Variants in IGSF22 observed in about 807,000 individuals in gnomAD.
The protein encoded by IGSF22 is immunoglobulin superfamily member 22.
Under a neutral mutation model 127.0 loss-of-function variants are expected in IGSF22, and 119 were observed. The ratio of observed to expected loss-of-function variants is 0.94; its 90% CI spans 0.81 to 1.09. The LOEUF (loss-of-function observed/expected upper bound fraction) is 1.09, where lower values mean the gene tolerates loss of function less well. Ranked by LOEUF, IGSF22 falls within the 50% of genes least tolerant of loss-of-function variation. IGSF22 has a pLI of 0.00. For missense variants in IGSF22, 1,518 were observed against 1,716.6 expected, an observed-to-expected ratio of 0.88 and a Z score of 2.04; for synonymous variants, 568 against 664.7, an observed-to-expected ratio of 0.85 and a Z score of 2.24.
intron 6 of IGSF22, 78 bp downstream of exon 6, chr11:18,719,986 C>A (rs1048570858): frequency 6.2e-7 from 1 of 1,609,914 alleles, no homozygotes; most frequent in East Asian, 2.2e-5. Context: ...GAACTCAGGG[C>A]CTTGTTGAGA....
At chr11:18,721,353 C>T (rs562662269) in intron 4 of IGSF22, among the ~76,000 whole-genome samples, 182 bp downstream of exon 4, 1 of 152,236 alleles carries the variant, frequency 6.6e-6, no homozygotes, top group Non-Finnish European at 1.5e-5. Context: ...CCGGCAATAT[C>T]CCGGTTCCTG....
chr11:18,718,600 C>G lies in IGSF22; in HGVS notation c.810+15G>C, dbSNP rs1181422533. 1.7e-5 allele frequency: 25 copies of G among 1,474,978 alleles called. No homozygotes were observed. The highest frequency in any genetic ancestry group is 2.4e-5 in the Non-Finnish European group (25 of 1,053,154). The allele number at this position is 1,474,978 out of a possible 1,614,324, so 91.4% of individuals were successfully genotyped here. On this transcript the variant is annotated intron_variant, in intron 8 of 22. Coordinates refer to ENST00000513874, the MANE Select transcript of IGSF22 (RefSeq NM_173588.4). ...GAGATATTGCCAAGGTGGACCCTGG[C>G]TAGGCATCCCCCACCTTGATCCATA...
intron 9 of IGSF22, among the ~76,000 whole-genome samples, 168 bp downstream of exon 9, chr11:18,717,763 C>G (rs1021949413): frequency 6.6e-6 from 1 of 152,160 alleles, no homozygotes; most frequent in African/African-American, 2.4e-5. Flanking sequence ...ATAGTCCTCT[C>G]CCTTACATCT....
chr11:18,712,560 A>T (rs530095638), intron 14 of IGSF22, among the ~76,000 whole-genome samples, 176 bp from the exon 15 acceptor site: 6 of 152,216 alleles, frequency 3.9e-5, no homozygotes, highest in African/African-American at 1.4e-4. Flanking sequence ...AAAGAGTTTG[A>T]TCCTTGCCCC....
chr11:18,708,420 A>T, intron 18 of IGSF22, 125 bp from the exon 19 acceptor site: 1 of 654,664 alleles, frequency 1.5e-6, no homozygotes, highest in Non-Finnish European at 2.5e-6. Context: ...CCATACAGAC[A>T]TCTAGCTGCC....
In IGSF22 at chr11:18,706,661, C is replaced by A. The variant is rs1476680002; in HGVS notation, c.3580+253G>T. 6.5e-6 allele frequency: 3 copies of A among 459,880 alleles called. No individual in the cohort carries two copies. The South Asian group carries it at 1.2e-4, about 18-fold the overall frequency. The allele number at this position is 459,880 out of a possible 1,614,324, so 28.5% of individuals were successfully genotyped here. On this transcript the variant is annotated intron_variant, in intron 21 of 22. Transcript: ENST00000513874. ...CCTCAGAGCAGAACGCGTTTGCGCT[C>A]TATGTCCCTCCGCAGCCCCTCCACC...
chr11:18,719,704 C>T lies in IGSF22; in HGVS notation c.696+12G>A. 1 of 1,613,344 alleles carries T rather than the reference C, an allele frequency of 6.2e-7. No individual in the cohort carries two copies. Reference sequence around the variant, plus strand: ...CTAGCCTGCAGGCCCCTGCTCCCTGCAGGGTACTTACCTCCACCTCTACTT... The same window carrying T: ...CTAGCCTGCAGGCCCCTGCTCCCTGTAGGGTACTTACCTCCACCTCTACTT... On this transcript the variant is annotated intron_variant, in intron 7 of 22. Coordinates refer to ENST00000513874, the MANE Select transcript of IGSF22 (RefSeq NM_173588.4).
intron 17 of IGSF22, 100 bp downstream of exon 17, chr11:18,710,227 T>C (rs1202101230): frequency 6.8e-7 from 1 of 1,480,606 alleles, no homozygotes. Context: ...GTGTAGAGAC[T>C]GTGATACCTC....
rs866891442 is a variant in IGSF22 at position 18,712,970 on chromosome 11, T to C, written c.2096-586A>G. Among the ~76,000 whole-genome samples the C allele has an allele frequency of 7.2e-5, 11 of 152,154 alleles. 1 individual carries two copies. Among genetic ancestry groups the C allele is most frequent in the Middle Eastern group, 6.3e-3 (2 of 316 alleles). On this transcript the variant is annotated intron_variant, in intron 14 of 22. Coordinates refer to ENST00000513874, the MANE Select transcript of IGSF22 (RefSeq NM_173588.4). The stretch of plus-strand genomic sequence containing the variant: ...GGCCAGCTCCTCTTCTCTTTTCTTA[T>C]ATCCTCATGTTCAGACAAATCCCAA...
chr11:18,710,019 C>T (rs1161030819), intron 17 of IGSF22, among the ~76,000 whole-genome samples: 2 of 152,170 alleles, frequency 1.3e-5, no homozygotes, highest in East Asian at 3.8e-4. Flanking sequence ...TTCCTAAATG[C>T]AACACCCTCC....
chr11:18,707,719 G>T, intron 20 of IGSF22, 85 bp downstream of exon 20: 1 of 1,131,924 alleles, frequency 8.8e-7, no homozygotes, highest in Non-Finnish European at 1.3e-6. Flanking sequence ...ACTTTCCTGT[G>T]GTAGGAACTC....
chr11:18,710,246 C>T, intron 17 of IGSF22, 81 bp downstream of exon 17: 1 of 1,568,136 alleles, frequency 6.4e-7, no homozygotes, highest in Non-Finnish European at 8.7e-7. Context: ...TCGTGTCATA[C>T]TTTCCCGGGG....
In IGSF22 at chr11:18,719,786, T is replaced by A; in HGVS notation, c.626A>T (p.Glu209Val). The change falls in exon 7 of 23, where the codon GAG becomes GTG. Residue 209 changes from glutamate (E) to valine (V), a missense_variant. Glu to Val is a moderately radical substitution (Grantham distance 121, BLOSUM62 -2). Coordinates refer to ENST00000513874, the MANE Select transcript of IGSF22 (RefSeq NM_173588.4). ...PKKDFEKVCM[E>V]YGFTDFRGLL... Reference sequence around the variant, plus strand: ...CCCCCGAAAGTCGGTGAAACCATACTCCATGCACACCTTCTCAAAGTCTTT... The same window carrying A: ...CCCCCGAAAGTCGGTGAAACCATACACCATGCACACCTTCTCAAAGTCTTT... The A allele has an allele frequency of 6.2e-7, 1 of 1,614,168 alleles. No homozygotes were observed. The highest frequency in any genetic ancestry group is 8.5e-7 in the Non-Finnish European group (1 of 1,180,032).
At position 18,710,754 on chromosome 11, in the gene IGSF22, G is replaced by A; in HGVS notation, c.2473C>T (p.Pro825Ser). Residue 825 changes from proline (P) to serine (S), a missense_variant, in exon 16 of 23, where the codon CCT becomes TCT. By Grantham distance (74) the Pro-to-Ser change is moderately conservative. Around this residue, in one of 3 missense-constraint regions of IGSF22, gnomAD observed 1,456 missense variants for 1,644.9 expected, o/e 0.89. Coordinates refer to ENST00000513874, the MANE Select transcript of IGSF22 (RefSeq NM_173588.4). ...KEAVTITWNA[P>S]TQDGGAPVLG... is the part of the protein sequence containing the mutation. ...ACTGGGGCTCCCCCATCCTGGGTAG[G>A]GGCATTCCACGTGATGGTCACGGCT... The A allele has an allele frequency of 6.2e-7, 1 of 1,614,074 alleles. No homozygotes were observed. Among genetic ancestry groups the A allele is most frequent in the Non-Finnish European group, 8.5e-7 (1 of 1,179,944 alleles).
Position 18,714,515 on chromosome 11 carries a change from C to T in IGSF22, c.1641G>A (p.Leu547=), listed in dbSNP as rs1401306300. Residue 547 remains leucine (L), a synonymous_variant, in exon 12 of 23, where the codon CTG becomes CTA. Coordinates refer to ENST00000513874, the MANE Select transcript of IGSF22 (RefSeq NM_173588.4). ...TGCTTCAGACCTCCTTGCCATCCTT[C>T]AGCCACACACCCTCCACCTTCTCGT... ...LNDEKVEGVW[L]KDGKEITDLP... is the part of the protein sequence containing the mutation. 1 of 1,614,226 alleles carries T rather than the reference C, an allele frequency of 6.2e-7. No homozygotes were observed. Among genetic ancestry groups the T allele is most frequent in the South Asian group, 1.1e-5 (1 of 91,086 alleles).
intron 14 of IGSF22, among the ~76,000 whole-genome samples, chr11:18,712,669 C>A (rs1215733582): frequency 6.6e-6 from 1 of 152,222 alleles, no homozygotes; most frequent in Non-Finnish European, 1.5e-5. Flanking sequence ...AGTTCTCCCC[C>A]TCTTCTGAGC....
Position 18,725,074 on chromosome 11 carries a change from C to A in IGSF22, c.-33-805G>T, listed in dbSNP as rs183089265. Among the ~76,000 whole-genome samples the A allele has an allele frequency of 2.6e-5, 4 of 151,720 alleles. No individual in the cohort carries two copies. The East Asian group carries it at 7.8e-4, about 29-fold the overall frequency. On this transcript the variant is annotated intron_variant, in intron 1 of 22. Coordinates refer to ENST00000513874, the MANE Select transcript of IGSF22 (RefSeq NM_173588.4). ...ACACTATTCTGACCCTTTCTTTTTT[C>A]ATTTAATGTGTCTTGGAGATTTTTT...
rs551711973 is a variant in IGSF22 at position 18,723,719 on chromosome 11, C to T, written c.109+409G>A. ...TCACCTTCTTTCTCCACTGGTAGCC[C>T]CAAGTCTCCTATTTCTTAAGTGGAG... On this transcript the variant is annotated intron_variant, in intron 2 of 22. Coordinates refer to ENST00000513874, the MANE Select transcript of IGSF22 (RefSeq NM_173588.4). 1.6e-4 allele frequency among the ~76,000 whole-genome samples: 25 copies of T among 152,306 alleles called. 1 individual carries two copies. The South Asian group carries it at 1.9e-3, about 11-fold the overall frequency.
Position 18,712,241 on chromosome 11 carries a change from A to C in IGSF22, c.2239T>G (p.Ser747Ala). The change falls in exon 15 of 23, where the codon TCC (serine) becomes GCC (alanine). Residue 747 changes from serine (S) to alanine (A), a missense_variant. Around this residue, in one of 3 missense-constraint regions of IGSF22, gnomAD observed 1,456 missense variants for 1,644.9 expected, o/e 0.89. Coordinates refer to ENST00000513874, the MANE Select transcript of IGSF22 (RefSeq NM_173588.4). ...IVERRAVGKK[S>A]WIKIGEVDGK... ...TCCACCTCGCCTATCTTAATCCAGG[A>C]CTTCTTGCCAACTGCCCTCCGTTCC... 1.3e-6 allele frequency: 2 copies of C among 1,551,618 alleles called. No individual in the cohort carries two copies. The highest frequency in any genetic ancestry group is 1.7e-6 in the Non-Finnish European group (2 of 1,146,978).
Sources: gnomAD v4.1 joint callset for allele counts (sites outside exome capture counted in the v4.1 genomes callset) on GRCh38, gnomAD v4.1.1 for gene constraint, gnomAD v4.1.1 regional missense constraint, MANE v1.5 for transcripts, NCBI Gene and HGNC (gene_info 2026-07-23, HGNC 2026-07-21) for gene names.